The following FMN2 variants were observed in gnomAD, a reference collection of about 807,000 sequenced individuals.
FMN2 encodes formin 2, also known as formin-2.
A neutral mutation model predicts 142.3 loss-of-function variants in FMN2; 51 were observed. That is an observed-to-expected ratio of 0.36 (90% CI 0.29 to 0.45). The LOEUF (loss-of-function observed/expected upper bound fraction) is 0.45. Among genes scored for constraint, FMN2 ranks in the 20% least tolerant of loss-of-function variants. The pLI is 1.00. For synonymous variants in FMN2, 882 were observed against 869.8 expected (o/e 1.01, Z -0.25); for missense variants, 1,936 against 2,122.8 (o/e 0.91, Z 1.73).
At chr1:240,464,089 C>T (rs1676534918) in intron 16 of FMN2, among the ~76,000 whole-genome samples, 2 of 152,090 alleles carry the variant, frequency 1.3e-5, no homozygotes, top group Admixed American at 6.5e-5. Context: ...TAGAAATCAA[C>T]AAGTAGATTT....
chr1:240,101,330 G>A (rs1661404065), intron 1 of FMN2, among the ~76,000 whole-genome samples: 1 of 152,146 alleles, frequency 6.6e-6, no homozygotes, highest in African/African-American at 2.4e-5. Flanking sequence ...TTCCTTTATT[G>A]GTAGAGCTGA....
chr1:240,333,736 A>C (rs2103018426), intron 11 of FMN2, 151 bp from the exon 12 acceptor site: 1 of 578,414 alleles, frequency 1.7e-6, no homozygotes, highest in African/African-American at 1.9e-5. Flanking sequence ...CCTTAGACAC[A>C]ATGGCCAAGA....
In FMN2 at chr1:240,092,559, C is replaced by G. The variant is rs896579298; in HGVS notation, c.450C>G (p.Ala150=). The part of the protein sequence containing the change: ...EVTGPGGPGP[A]EARVGGRPIA... ...CCGGTCCAGGGGGTCCTGGGCCTGC[C>G]GAGGCTAGGGTCGGGGGCCGGCCGA... Residue 150 remains alanine, a synonymous_variant, in exon 1 of 18, where the codon GCC becomes GCG. Coordinates refer to ENST00000319653, the MANE Select transcript of FMN2 (RefSeq NM_020066.5). 1 of 1,612,882 alleles carries G rather than the reference C, an allele frequency of 6.2e-7. No individual in the cohort carries two copies. Among genetic ancestry groups the G allele is most frequent in the East Asian group, 2.2e-5 (1 of 44,792 alleles).
chr1:240,188,339 T>G, intron 4 of FMN2, 77 bp downstream of exon 4: 1 of 1,459,534 alleles, frequency 6.9e-7, no homozygotes, highest in Non-Finnish European at 9.5e-7. Context: ...CTGCGATTTA[T>G]CTTTCCATCT....
chr1:240,265,458 T>C lies in FMN2; in HGVS notation c.4153+7426T>C, dbSNP rs574586456. Among the ~76,000 whole-genome samples, 5 of 152,272 alleles carry C rather than the reference T, an allele frequency of 3.3e-5. No individual in the cohort carries two copies. The South Asian group carries it at 8.3e-4, about 25-fold the overall frequency. On this transcript the variant is annotated intron_variant, in intron 7 of 17. Transcript: ENST00000319653. ...GAAAAATTGCTATCACCAAGCTAGT[T>C]TGTAGTGTATCACATTACTTTTTCT...
chr1:240,198,075 T>G (rs1665981556), intron 4 of FMN2, among the ~76,000 whole-genome samples: 2 of 152,184 alleles, frequency 1.3e-5, no homozygotes, highest in Non-Finnish European at 2.9e-5. Flanking sequence ...AGCTGCACTT[T>G]CCATCCATAG....
At chr1:240,311,011 C>A (rs1394393000) in intron 8 of FMN2, among the ~76,000 whole-genome samples, 1 of 151,004 alleles carries the variant, frequency 6.6e-6, no homozygotes, top group Non-Finnish European at 1.5e-5. Context: ...AAGAAAAATA[C>A]ATGAAAAAAG....
At chr1:240,382,513 T>C (rs968187903) in intron 14 of FMN2, among the ~76,000 whole-genome samples, 1 of 151,840 alleles carries the variant, frequency 6.6e-6, no homozygotes, top group Non-Finnish European at 1.5e-5. Context: ...ATACAAAAAT[T>C]AGCCAGGTGT....
intron 15 of FMN2, among the ~76,000 whole-genome samples, chr1:240,418,184 C>A (rs373532107): frequency 2.0e-5 from 3 of 149,030 alleles, no homozygotes; most frequent in East Asian, 3.9e-4. Flanking sequence ...GTTTTAAATT[C>A]TTTTATATTT....
intron 2 of FMN2, 164 bp from the exon 3 acceptor site, chr1:240,177,757 T>A (rs2103323101): frequency 2.0e-6 from 1 of 505,056 alleles, no homozygotes; most frequent in Non-Finnish European, 3.1e-6. Context: ...AATGTGTATC[T>A]TAGGAATCTA....
intron 2 of FMN2, among the ~76,000 whole-genome samples, chr1:240,136,291 G>A (rs185603161): frequency 3.8e-4 from 58 of 152,242 alleles, no homozygotes; most frequent in African/African-American, 1.4e-3. Flanking sequence ...TGCAAAAGTA[G>A]TAATGATAGT....
intron 8 of FMN2, among the ~76,000 whole-genome samples, chr1:240,322,213 TAAATC>T (rs1670996099): frequency 6.6e-6 from 1 of 150,860 alleles, no homozygotes; most frequent in Non-Finnish European, 1.5e-5. Flanking sequence ...AAAAAAATCA[TAAATC>T]AAACCATAGT....
At chr1:240,166,156 AATATAT>A (rs564781227) in intron 2 of FMN2, among the ~76,000 whole-genome samples, 3 of 148,792 alleles carry the variant, frequency 2.0e-5, no homozygotes, top group African/African-American at 7.3e-5. Flanking sequence ...ATAAATATAA[AATATAT>A]ATATATAAAT....
chr1:240,340,579 TC>T (rs1671713190), intron 13 of FMN2, among the ~76,000 whole-genome samples: 1 of 152,050 alleles, frequency 6.6e-6, no homozygotes, highest in African/African-American at 2.4e-5. Flanking sequence ...AGACTCCATC[TC>T]AAACTGAAAA....
At chr1:240,117,463 C>T (rs1437190693) in intron 1 of FMN2, among the ~76,000 whole-genome samples, 1 of 152,118 alleles carries the variant, frequency 6.6e-6, no homozygotes, top group Non-Finnish European at 1.5e-5. Context: ...CGAAACAGGT[C>T]GTGGTTTCAC....
intron 4 of FMN2, among the ~76,000 whole-genome samples, chr1:240,199,119 CAAAA>C (rs1666036657): frequency 7.0e-6 from 1 of 143,048 alleles, no homozygotes. Flanking sequence ...AACAAACAAA[CAAAA>C]AACAATATGA....
chr1:240,251,246 A>G (rs75957554), intron 6 of FMN2, among the ~76,000 whole-genome samples: 112 of 151,838 alleles, frequency 7.4e-4, no homozygotes, highest in African/African-American at 2.6e-3. Flanking sequence ...GTTTTGTTGT[A>G]TCTCATAGGT....
At chr1:240,289,396 C>T (rs560380384) in intron 7 of FMN2, among the ~76,000 whole-genome samples, 10 of 152,148 alleles carry the variant, frequency 6.6e-5, no homozygotes, top group African/African-American at 2.2e-4. Context: ...GGTTGGGCAC[C>T]GTGGCTCATG....
chr1:240,142,310 C>A (rs1489830971), intron 2 of FMN2, among the ~76,000 whole-genome samples: 1 of 152,020 alleles, frequency 6.6e-6, no homozygotes, highest in Admixed American at 6.6e-5. Flanking sequence ...CAAAATATAA[C>A]TGAGATTAAA....
Sources: allele counts gnomAD v4.1 joint callset (sites outside exome capture counted in the v4.1 genomes callset), GRCh38; gene constraint gnomAD v4.1.1; transcripts MANE v1.5; gene names NCBI Gene and HGNC (gene_info 2026-07-23, HGNC 2026-07-21).